The following NEGR1 variants were observed in gnomAD, a reference collection of about 807,000 sequenced individuals.
The protein encoded by NEGR1 is neuronal growth regulator 1.
In NEGR1, 10 loss-of-function variants were observed where a neutral mutation model predicts 40.9. The ratio of observed to expected loss-of-function variants is 0.24; its 90% CI spans 0.15 to 0.42. The LOEUF (loss-of-function observed/expected upper bound fraction) is 0.42, where lower values mean the gene tolerates loss of function less well. Ranked by LOEUF, NEGR1 falls within the 10% of genes least tolerant of loss-of-function variation. The pLI is 1.00. For missense variants in NEGR1, 352 were observed against 438.9 expected (o/e 0.80, Z 1.77); for synonymous variants, 185 against 166.8 (o/e 1.11, Z -0.84).
At chr1:71,509,737 G>A (rs78996062) in intron 6 of NEGR1, among the ~76,000 whole-genome samples, 1 of 152,164 alleles carries the variant, frequency 6.6e-6, no homozygotes, top group African/African-American at 2.4e-5. Flanking sequence ...AAACCAAATA[G>A]CTGCTGGGTT....
At chr1:71,791,582 AT>A (rs1273911852) in intron 2 of NEGR1, among the ~76,000 whole-genome samples, 1 of 152,136 alleles carries the variant, frequency 6.6e-6, no homozygotes, top group African/African-American at 2.4e-5. Context: ...ATACTGTAAT[AT>A]TTCATAATAA....
intron 1 of NEGR1, among the ~76,000 whole-genome samples, chr1:72,041,029 A>G (rs1646949342): frequency 6.6e-6 from 1 of 152,072 alleles, no homozygotes; most frequent in African/African-American, 2.4e-5. Context: ...ATAGTTCTTA[A>G]TTGGAATTGT....
rs1553157758 is a variant in NEGR1 at position 71,675,112 on chromosome 1, C to CATATATATATAT, written c.667+22884_667+22895dup. On this transcript the variant is annotated intron_variant, in intron 4 of 6. Transcript: ENST00000357731. ...GCAATATATAAAATGCATGTTTATTCATATATATATATATACACACACACA... is the reference window on the plus strand; with the variant it reads ...GCAATATATAAAATGCATGTTTATTCATATATATATATATATATATATATATACACACACACA... 2.1e-3 allele frequency among the ~76,000 whole-genome samples: 93 copies of CATATATATATAT among 45,206 alleles called. 8 individuals are homozygous for CATATATATATAT. The East Asian group carries it at 0.028, about 13-fold the overall frequency. The allele number at this position is 45,206 out of a possible 152,430, so 29.7% of individuals were successfully genotyped here.
At chr1:72,129,191 T>C (rs372256594) in intron 1 of NEGR1, among the ~76,000 whole-genome samples, 55 of 152,184 alleles carry the variant, frequency 3.6e-4, no homozygotes, top group African/African-American at 1.0e-3. Context: ...TATGTTACTG[T>C]TTCTGTTACT....
At chr1:72,091,519 C>T (rs907070222) in intron 1 of NEGR1, among the ~76,000 whole-genome samples, 6 of 150,978 alleles carry the variant, frequency 4.0e-5, no homozygotes, top group Non-Finnish European at 5.9e-5. Flanking sequence ...TCAAGTACAT[C>T]ACAGCCCCAT....
intron 2 of NEGR1, among the ~76,000 whole-genome samples, chr1:71,921,831 A>G (rs189448616): frequency 6.6e-6 from 1 of 151,512 alleles, no homozygotes; most frequent in Non-Finnish European, 1.5e-5. Context: ...CTTCCAGTTA[A>G]TAGTAGGCTA....
chr1:72,106,638 T>A (rs1018546726), intron 1 of NEGR1, among the ~76,000 whole-genome samples: 1 of 151,954 alleles, frequency 6.6e-6, no homozygotes, highest in East Asian at 1.9e-4. Context: ...TTGCCTTGAA[T>A]GAAAAACTAA....
intron 2 of NEGR1, among the ~76,000 whole-genome samples, chr1:71,898,100 G>A (rs564214804): frequency 1.3e-5 from 2 of 152,102 alleles, no homozygotes; most frequent in African/African-American, 2.4e-5. Flanking sequence ...AGGAATTACT[G>A]CGAGTCTGTA....
intron 2 of NEGR1, among the ~76,000 whole-genome samples, chr1:71,921,215 T>C (rs1190630841): frequency 6.6e-6 from 1 of 152,208 alleles, no homozygotes; most frequent in Non-Finnish European, 1.5e-5. Context: ...GCAGTAATTA[T>C]CATTATATAA....
chr1:71,527,723 A>T (rs1244636426), intron 6 of NEGR1, among the ~76,000 whole-genome samples: 1 of 149,996 alleles, frequency 6.7e-6, no homozygotes, highest in African/African-American at 2.5e-5. Flanking sequence ...AAGATAATCT[A>T]TTGACAATTG....
chr1:72,077,420 A>C (rs779452822), intron 1 of NEGR1, among the ~76,000 whole-genome samples: 9 of 152,082 alleles, frequency 5.9e-5, no homozygotes, highest in Non-Finnish European at 1.3e-4. Context: ...AACTTCTACC[A>C]AAAGAAGTTA....
chr1:72,281,231 G>C lies in NEGR1; in HGVS notation c.176+1088C>G, dbSNP rs114612999. ...AAAAGGGGATAGAAAGACACAGAAA[G>C]AGAAAAAGAGAGAAGCAGAGACAGA... is the stretch of plus-strand genomic sequence containing the variant. On this transcript the variant is annotated intron_variant, in intron 1 of 6. Transcript: ENST00000357731. Among the ~76,000 whole-genome samples the C allele has an allele frequency of 4.0e-3, 607 of 150,152 alleles. 7 individuals are homozygous for C. Among genetic ancestry groups the C allele is most frequent in the African/African-American group, 0.015 (590 of 39,492 alleles).
chr1:72,113,626 A>C (rs965322313), intron 1 of NEGR1, among the ~76,000 whole-genome samples: 2 of 151,816 alleles, frequency 1.3e-5, no homozygotes, highest in Non-Finnish European at 2.9e-5. Flanking sequence ...GAGCACAAGG[A>C]AAGTGTGGTG....
At chr1:72,037,459 G>A (rs376421853) in intron 1 of NEGR1, among the ~76,000 whole-genome samples, 1 of 152,150 alleles carries the variant, frequency 6.6e-6, no homozygotes, top group South Asian at 2.1e-4. Context: ...ATAGAGCCAG[G>A]AAATAAACGT....
chr1:71,504,448 G>A (rs1268374431), intron 6 of NEGR1, among the ~76,000 whole-genome samples: 1 of 152,050 alleles, frequency 6.6e-6, no homozygotes, highest in Admixed American at 6.6e-5. Context: ...GAAATGCAAG[G>A]AAAAACTCCT....
chr1:71,732,051 C>G (rs1356024010), intron 3 of NEGR1, among the ~76,000 whole-genome samples: 1 of 152,138 alleles, frequency 6.6e-6, no homozygotes, highest in African/African-American at 2.4e-5. Context: ...GGAGTGATGG[C>G]TCACATTTAT....
chr1:71,863,101 T>G (rs1659999784), intron 2 of NEGR1, among the ~76,000 whole-genome samples: 1 of 152,154 alleles, frequency 6.6e-6, no homozygotes, highest in Admixed American at 6.6e-5. Context: ...TGACTGCATA[T>G]ATACCCAAAG....
chr1:71,910,679 T>C (rs545485492), intron 2 of NEGR1, among the ~76,000 whole-genome samples: 58 of 152,210 alleles, frequency 3.8e-4, no homozygotes, highest in African/African-American at 1.3e-3. Flanking sequence ...ATGAGACTCT[T>C]CTAGAGCCTT....
At chr1:72,109,370 T>C (rs529493096) in intron 1 of NEGR1, among the ~76,000 whole-genome samples, 10 of 151,794 alleles carry the variant, frequency 6.6e-5, no homozygotes, top group Middle Eastern at 3.4e-3. Context: ...TAAAAACTAC[T>C]TCACCTAATT....
Sources: gnomAD v4.1 joint callset for allele counts (sites outside exome capture counted in the v4.1 genomes callset) on GRCh38, gnomAD v4.1.1 for gene constraint, MANE v1.5 for transcripts, NCBI Gene and HGNC (gene_info 2026-07-23, HGNC 2026-07-21) for gene names.